Variants in OSBPL1A observed in about 807,000 individuals in gnomAD.
OSBPL1A encodes the protein oxysterol-binding protein-related protein 1.
In OSBPL1A, 80 loss-of-function variants were observed where a neutral mutation model predicts 137.1. That is an observed-to-expected ratio of 0.58 (90% CI 0.49 to 0.70). OSBPL1A has a LOEUF of 0.70. Among genes scored for constraint, OSBPL1A ranks in the 30% least tolerant of loss-of-function variants. The probability of loss-of-function intolerance (pLI) is 0.00; values close to 1 mark genes in which losing one functional copy is unlikely to be tolerated. For missense variants in OSBPL1A, 970 were observed against 1,129.4 expected, an observed-to-expected ratio of 0.86 and a Z score of 2.02; for synonymous variants, 365 against 389.7, an observed-to-expected ratio of 0.94 and a Z score of 0.75.
chr18:24,176,330 CT>C (rs2086445650), intron 21 of OSBPL1A, among the ~76,000 whole-genome samples: 1 of 152,134 alleles, frequency 6.6e-6, no homozygotes, highest in Admixed American at 6.5e-5. Context: ...TGAGGTAATT[CT>C]TGATTACTTT....
At chr18:24,272,607 C>A (rs750249955) in intron 15 of OSBPL1A, among the ~76,000 whole-genome samples, 21 of 152,162 alleles carry the variant, frequency 1.4e-4, no homozygotes, top group Non-Finnish European at 2.8e-4. Context: ...AACTGTAACA[C>A]TCTGATGGAG....
chr18:24,204,299 CATTTTTCA>C (rs2087305822), intron 17 of OSBPL1A, among the ~76,000 whole-genome samples: 2 of 152,268 alleles, frequency 1.3e-5, no homozygotes, highest in Admixed American at 1.3e-4. Context: ...TGAGTTAGAA[CATTTTTCA>C]TATGCTTAAT....
intron 1 of OSBPL1A, among the ~76,000 whole-genome samples, chr18:24,381,097 G>C (rs1358393203): frequency 6.6e-6 from 1 of 152,118 alleles, no homozygotes. Flanking sequence ...CTTTATTCAG[G>C]ACCCCCGTGG....
At position 24,317,332 on chromosome 18, in the gene OSBPL1A, C is replaced by T. The variant is rs367725053; in HGVS notation, c.801G>A (p.Arg267=). ...VLEHGVLSWY[R]KQPDAVHNIY... ...GTAAAGATCATAATACTTACTGTTTCCTATACCATGAAAGGACTCCATGCT... is the reference window on the plus strand; with the variant it reads ...GTAAAGATCATAATACTTACTGTTTTCTATACCATGAAAGGACTCCATGCT... The change falls in exon 10 of 28, where the codon AGG becomes AGA. Residue 267 remains arginine (R), a synonymous_variant. Transcript: ENST00000319481. The T allele has an allele frequency of 1.9e-6, 3 of 1,613,246 alleles. No individual in the cohort carries two copies. The highest frequency in any genetic ancestry group is 2.5e-6 in the Non-Finnish European group (3 of 1,179,466).
At chr18:24,223,003 T>C (rs981193088) in intron 17 of OSBPL1A, among the ~76,000 whole-genome samples, 1 of 152,028 alleles carries the variant, frequency 6.6e-6, no homozygotes, top group African/African-American at 2.4e-5. Context: ...CGAGGTCAAA[T>C]ACAATTTTCA....
At chr18:24,349,242 C>T (rs1490009021) in intron 4 of OSBPL1A, among the ~76,000 whole-genome samples, 1 of 151,760 alleles carries the variant, frequency 6.6e-6, no homozygotes, top group African/African-American at 2.4e-5. Context: ...AAATATGAAT[C>T]AATAGCCAAT....
At chr18:24,241,947 T>TA (rs1325135304) in intron 15 of OSBPL1A, among the ~76,000 whole-genome samples, 5 of 151,980 alleles carry the variant, frequency 3.3e-5, no homozygotes, top group African/African-American at 1.2e-4. Flanking sequence ...TACACAGCCA[T>TA]AAAAAAGAAT....
At chr18:24,276,317 G>A (rs1455817920) in intron 15 of OSBPL1A, among the ~76,000 whole-genome samples, 2 of 152,146 alleles carry the variant, frequency 1.3e-5, no homozygotes, top group Non-Finnish European at 2.9e-5. Flanking sequence ...CTCACATTCT[G>A]TTATACTGTT....
At chr18:24,210,318 G>T (rs1460517797) in intron 17 of OSBPL1A, among the ~76,000 whole-genome samples, 1 of 151,994 alleles carries the variant, frequency 6.6e-6, no homozygotes, top group Non-Finnish European at 1.5e-5. Context: ...CCAACTACTT[G>T]GGAGGCTGAG....
At chr18:24,236,983 AG>A (rs1268838597) in intron 16 of OSBPL1A, among the ~76,000 whole-genome samples, 1 of 152,216 alleles carries the variant, frequency 6.6e-6, no homozygotes, top group Non-Finnish European at 1.5e-5. Flanking sequence ...ACCTTGAAAA[AG>A]AGTGGGCTAG....
At chr18:24,250,913 C>A (rs558717449) in intron 15 of OSBPL1A, among the ~76,000 whole-genome samples, 1 of 152,274 alleles carries the variant, frequency 6.6e-6, no homozygotes, top group East Asian at 1.9e-4. Flanking sequence ...GTAGCATTCA[C>A]CATAAGCTGA....
chr18:24,358,844 C>T (rs1488445484), intron 4 of OSBPL1A, among the ~76,000 whole-genome samples: 1 of 152,182 alleles, frequency 6.6e-6, no homozygotes, highest in African/African-American at 2.4e-5. Context: ...TCCTGGGGCT[C>T]AAGCGATCCT....
chr18:24,295,268 AT>A (rs1161133557), intron 14 of OSBPL1A, among the ~76,000 whole-genome samples: 1 of 151,428 alleles, frequency 6.6e-6, no homozygotes, highest in East Asian at 1.9e-4. Flanking sequence ...GATTATTTGT[AT>A]TTTTCTTGCT....
chr18:24,203,414 T>C (rs1280841928), intron 17 of OSBPL1A, among the ~76,000 whole-genome samples: 1 of 152,246 alleles, frequency 6.6e-6, no homozygotes, highest in Non-Finnish European at 1.5e-5. Context: ...AACAAGGGTA[T>C]ACAGGTATGT....
chr18:24,338,520 C>T (rs1241873927), intron 5 of OSBPL1A, among the ~76,000 whole-genome samples: 1 of 152,058 alleles, frequency 6.6e-6, no homozygotes, highest in African/African-American at 2.4e-5. Context: ...TATATCGGAC[C>T]CAAAGATAAA....
rs796959969 is a variant in OSBPL1A, at chr18:24,355,500, CAAAACAA to C, written c.282+11385_282+11391del. On this transcript the variant is annotated intron_variant, in intron 4 of 27. Transcript: ENST00000319481. The stretch of plus-strand genomic sequence containing the variant: ...CGGGCAACAGGTCGAGACTCCATCT[CAAAACAA>C]AAAACAAAAAACAGCAACAACAAAA... Among the ~76,000 whole-genome samples, 448 of 151,800 alleles carry C rather than the reference CAAAACAA, an allele frequency of 3.0e-3. 3 individuals are homozygous for C. Among genetic ancestry groups the C allele is most frequent in the African/African-American group, 0.01 (425 of 41,416 alleles).
chr18:24,321,717 A>G (rs1159517960), intron 7 of OSBPL1A: 1 of 522,584 alleles, frequency 1.9e-6, no homozygotes, highest in African/African-American at 1.9e-5. Context: ...AGAATTGGGA[A>G]AAGCTGGGTT....
intron 15 of OSBPL1A, among the ~76,000 whole-genome samples, chr18:24,248,789 G>T (rs1186046658): frequency 6.6e-6 from 1 of 152,212 alleles, no homozygotes; most frequent in East Asian, 1.9e-4. Context: ...TATAAGCAAG[G>T]TGATAATGAT....
At chr18:24,237,314 T>C (rs2088515648) in intron 16 of OSBPL1A, among the ~76,000 whole-genome samples, 1 of 152,188 alleles carries the variant, frequency 6.6e-6, no homozygotes, top group African/African-American at 2.4e-5. Flanking sequence ...AAGGTTTTTT[T>C]TTGTTTGAGA....
Sources: allele counts gnomAD v4.1 joint callset (sites outside exome capture counted in the v4.1 genomes callset), GRCh38; gene constraint gnomAD v4.1.1; transcripts MANE v1.5; gene names NCBI Gene and HGNC (gene_info 2026-07-23, HGNC 2026-07-21).